Variants in PTGR2 observed in about 807,000 individuals in gnomAD.
PTGR2 encodes prostaglandin reductase 2, also known as 15-oxoprostaglandin 13-reductase.
A neutral mutation model predicts 43.4 loss-of-function variants in PTGR2; 32 were observed. The observed-to-expected ratio is 0.74, with a 90% CI of 0.56 to 0.99. PTGR2 has a LOEUF of 0.99. PTGR2 is among the 50% of genes least tolerant of loss of function. The pLI is 0.00. For synonymous variants in PTGR2, 106 were observed against 139.2 expected (o/e 0.76, Z 1.68); for missense variants, 373 against 420.0 (o/e 0.89, Z 0.98).
Position 73,881,228 on chromosome 14 carries a change from A to G in PTGR2, c.875A>G (p.Tyr292Cys), listed in dbSNP as rs2054980333. The G allele has an allele frequency of 1.9e-6, 3 of 1,608,846 alleles. No homozygotes were observed. In the African/African-American group the frequency reaches 4.0e-5, roughly 21 times the overall value. ...ITRERFLVLN[Y>C]KDKFEPGILQ... ...AGGGAAAGATTTCTGGTATTAAATTATAAAGACAAATTTGAGCCTGGCATT... is the reference window on the plus strand; with the variant it reads ...AGGGAAAGATTTCTGGTATTAAATTGTAAAGACAAATTTGAGCCTGGCATT... The change falls in exon 8 of 10, where the codon TAT (tyrosine) becomes TGT (cysteine). Residue 292 changes from tyrosine (Y) to cysteine (C), a missense_variant. Coordinates refer to ENST00000555661, the MANE Select transcript of PTGR2 (RefSeq NM_001146154.2).
intron 3 of PTGR2, among the ~76,000 whole-genome samples, chr14:73,872,294 G>A (rs1156416593): frequency 6.6e-6 from 1 of 152,210 alleles, no homozygotes; most frequent in Non-Finnish European, 1.5e-5. Flanking sequence ...ATGAGCAACT[G>A]TATAAAATTC....
At chr14:73,867,047 G>A (rs1015758888) in intron 3 of PTGR2, among the ~76,000 whole-genome samples, 14 of 143,012 alleles carry the variant, frequency 9.8e-5, no homozygotes, top group Non-Finnish European at 1.8e-4. Flanking sequence ...CAAGATCGCG[G>A]CATTGCACTC....
chr14:73,863,876 A>G (rs1566636441), intron 3 of PTGR2, among the ~76,000 whole-genome samples: 2 of 152,122 alleles, frequency 1.3e-5, no homozygotes, highest in Non-Finnish European at 2.9e-5. Context: ...TCAGCCTCTC[A>G]AAGTGCTAGG....
At chr14:73,880,342 A>G in intron 7 of PTGR2, 166 bp downstream of exon 7, 1 of 714,438 alleles carries the variant, frequency 1.4e-6, no homozygotes, top group Admixed American at 2.2e-5. Context: ...GGATGCCGAG[A>G]CGGGTGGATT....
At chr14:73,876,856 C>T in intron 4 of PTGR2, 142 bp from the exon 5 acceptor site, 1 of 584,122 alleles carries the variant, frequency 1.7e-6, no homozygotes, top group Non-Finnish European at 3.0e-6. Context: ...GTGCCTATCT[C>T]CAAATAAAGT....
At chr14:73,867,963 G>A (rs966059232) in intron 3 of PTGR2, among the ~76,000 whole-genome samples, 2 of 152,166 alleles carry the variant, frequency 1.3e-5, no homozygotes, top group Non-Finnish European at 2.9e-5. Flanking sequence ...TTGGAATTGA[G>A]ACCAATCAGC....
chr14:73,868,288 C>CAAA (rs778647372), intron 3 of PTGR2, among the ~76,000 whole-genome samples: 204 of 144,742 alleles, frequency 1.4e-3, no homozygotes, highest in Middle Eastern at 3.6e-3. Flanking sequence ...GACTCTGTCT[C>CAAA]AAAAAAAAAA....
chr14:73,862,081 A>C (rs1318987406), intron 3 of PTGR2, among the ~76,000 whole-genome samples: 1 of 150,900 alleles, frequency 6.6e-6, no homozygotes, highest in Non-Finnish European at 1.5e-5. Context: ...GTCCCACCAG[A>C]CTGGCCAGCC....
At chr14:73,868,932 T>C (rs1049453561) in intron 3 of PTGR2, among the ~76,000 whole-genome samples, 9 of 152,202 alleles carry the variant, frequency 5.9e-5, no homozygotes, top group African/African-American at 1.9e-4. Context: ...TTCAAGGCAG[T>C]TGTCTTCGTA....
At chr14:73,881,438 A>G in intron 8 of PTGR2, 146 bp downstream of exon 8, 2 of 523,628 alleles carry the variant, frequency 3.8e-6, no homozygotes, top group South Asian at 7.1e-5. Flanking sequence ...AATTAACTCT[A>G]CCTCCCAGGT....
In PTGR2 at chr14:73,882,421, G is replaced by C. The variant is rs932563237; in HGVS notation, c.962G>C (p.Gly321Ala). 6.3e-7 allele frequency: 1 copy of C among 1,575,828 alleles called. No homozygotes were observed. Among genetic ancestry groups the C allele is most frequent in the African/African-American group, 1.4e-5 (1 of 74,018 alleles). The change falls in exon 9 of 10, where the codon GGG (glycine) becomes GCG (alanine). Residue 321 changes from glycine to alanine, a missense_variant. Gly to Ala is a moderately conservative substitution (Grantham distance 60). Coordinates refer to ENST00000555661, the MANE Select transcript of PTGR2 (RefSeq NM_001146154.2). ...CAGATTAAAGAGACGGTAATAAATG[G>C]GTTGGAAAACATGGGAGGTAAGATG... is the stretch of plus-strand genomic sequence containing the variant. ...KLKIKETVIN[G>A]LENMGAAFQS...
chr14:73,875,699 T>G (rs1267100752), intron 4 of PTGR2, among the ~76,000 whole-genome samples: 1 of 151,378 alleles, frequency 6.6e-6, no homozygotes, highest in African/African-American at 2.4e-5. Context: ...GACTTAAAGA[T>G]CTTCCATTGT....
chr14:73,881,937 C>T (rs1016387999), intron 8 of PTGR2, among the ~76,000 whole-genome samples: 18 of 151,996 alleles, frequency 1.2e-4, no homozygotes, highest in Non-Finnish European at 2.2e-4. Flanking sequence ...GCACATGCCA[C>T]TCGCTCAGCT....
intron 8 of PTGR2, among the ~76,000 whole-genome samples, chr14:73,881,772 C>CTTTTTTTTTTT (rs57377878): frequency 1.4e-5 from 1 of 69,242 alleles, no homozygotes; most frequent in African/African-American, 6.9e-5. Flanking sequence ...CTAGGCTATT[C>CTTTTTTTTTTT]TTTTTTTTTT....
At chr14:73,874,240 T>C in intron 4 of PTGR2, 26 bp downstream of exon 4, 1 of 1,471,000 alleles carries the variant, frequency 6.8e-7, no homozygotes, top group African/African-American at 1.4e-5. Flanking sequence ...ACATATCTGA[T>C]TTTTTTTCCC....
intron 2 of PTGR2, among the ~76,000 whole-genome samples, 174 bp downstream of exon 2, chr14:73,859,073 A>C (rs2054428345): frequency 1.3e-5 from 2 of 152,196 alleles, no homozygotes; most frequent in African/African-American, 4.8e-5. Context: ...GTGTTAGCTT[A>C]TCAAGACCAT....
rs534631832 is a variant in PTGR2 at position 73,884,734 on chromosome 14, C to T, written c.*557C>T. The stretch of plus-strand genomic sequence containing the variant: ...GGGGGCAGGATTGGGGGTTTCGGAG[C>T]TTGTGTAACAGTTTTTGGGATAGGA... On this transcript the variant is annotated 3_prime_UTR_variant, in exon 10 of 10. Coordinates refer to ENST00000555661, the MANE Select transcript of PTGR2 (RefSeq NM_001146154.2). The T allele has an allele frequency of 6.6e-6, 1 of 152,090 alleles. No individual in the cohort carries two copies. Among genetic ancestry groups the T allele is most frequent in the African/African-American group, 2.4e-5 (1 of 41,456 alleles). 9.4% of individuals were successfully genotyped at this position (152,090 alleles called of 1,614,324 possible).
In PTGR2 at chr14:73,874,110, A is replaced by G. The variant is rs1347836599; in HGVS notation, c.244A>G (p.Ile82Val). ...CGTTGATGGAGGAGGTATTGGAATT[A>G]TAGAAGAAAGCAAACACACAAATTT... ...QVVDGGGIGI[I>V]EESKHTNLTK... The change falls in exon 4 of 10, where the codon ATA (isoleucine) becomes GTA (valine). Residue 82 changes from isoleucine (I) to valine (V), a missense_variant. By Grantham distance (29) the Ile-to-Val change is conservative. Coordinates refer to ENST00000555661, the MANE Select transcript of PTGR2 (RefSeq NM_001146154.2). 5 of 1,613,932 alleles carry G rather than the reference A, an allele frequency of 3.1e-6. No individual in the cohort carries two copies. The highest frequency in any genetic ancestry group is 4.2e-6 in the Non-Finnish European group (5 of 1,179,946).
intron 3 of PTGR2, among the ~76,000 whole-genome samples, chr14:73,871,367 T>TTTTTTTTTTTTTTTTTTTTTTTTTTTA: frequency 8.4e-6 from 1 of 119,748 alleles, no homozygotes; most frequent in Non-Finnish European, 1.8e-5. Flanking sequence ...TTTTTTTTTT[T>TTTTTTTTTTTTTTTTTTTTTTTTTTTA]AATTTTTGTT....
Sources: allele counts gnomAD v4.1 joint callset (sites outside exome capture counted in the v4.1 genomes callset), GRCh38; gene constraint gnomAD v4.1.1; transcripts MANE v1.5; gene names NCBI Gene and HGNC (gene_info 2026-07-23, HGNC 2026-07-21).